GUCY2C: variants seen among roughly 807,000 people sequenced by gnomAD.
GUCY2C encodes guanylate cyclase 2C.
GUCY2C carries 118 observed loss-of-function variants against 131.1 expected under a neutral mutation model. That is an observed-to-expected ratio of 0.90 (90% CI 0.78 to 1.05). The LOEUF is 1.05. GUCY2C is among the 50% of genes least tolerant of loss of function. The pLI, the probability that GUCY2C is intolerant of heterozygous loss-of-function variation, is 0.00. For missense variants in GUCY2C, 1,161 were observed against 1,304.4 expected, an observed-to-expected ratio of 0.89 and a Z score of 1.69; for synonymous variants, 452 against 457.8, an observed-to-expected ratio of 0.99 and a Z score of 0.16.
chr12:14,670,522 T>G (rs1286883100), intron 9 of GUCY2C, among the ~76,000 whole-genome samples: 1 of 152,126 alleles, frequency 6.6e-6, no homozygotes, highest in Non-Finnish European at 1.5e-5. Flanking sequence ...ATGACTGATA[T>G]GGTTTGGCTG....
At chr12:14,626,105 C>T (rs559116583) in intron 20 of GUCY2C, among the ~76,000 whole-genome samples, 190 bp from the exon 21 acceptor site, 7 of 152,252 alleles carry the variant, frequency 4.6e-5, no homozygotes, top group South Asian at 4.1e-4. Flanking sequence ...TTTGGGAGTC[C>T]GAGGCGGGAG....
chr12:14,669,854 GA>G, intron 9 of GUCY2C, 21 bp from the exon 10 acceptor site: 3 of 965,238 alleles, frequency 3.1e-6, no homozygotes, highest in African/African-American at 1.7e-5. Flanking sequence ...GCACAAAAAA[GA>G]AAAAGGATGA....
At chr12:14,657,032 G>A (rs113342039) in intron 11 of GUCY2C, among the ~76,000 whole-genome samples, 3,865 of 152,294 alleles carry the variant, frequency 0.025, 99 homozygotes, top group African/African-American at 0.066. Context: ...TGACTGATCC[G>A]ACAGCAGGGG....
At chr12:14,678,086 G>T (rs1948276669) in intron 6 of GUCY2C, among the ~76,000 whole-genome samples, 1 of 152,142 alleles carries the variant, frequency 6.6e-6, no homozygotes, top group Non-Finnish European at 1.5e-5. Flanking sequence ...AAGCAGCTGG[G>T]ACAACAGGCA....
In GUCY2C at chr12:14,643,703, T is replaced by C. The variant is rs2137024314; in HGVS notation, c.1801A>G (p.Met601Val). ...ISVLYDIAKG[M>V]SYLHSSKTEV... ...GTCTTACTGGAGTGCAGATATGACA[T>C]TCCCTGTAATTTTTTAGATGATAGA... Residue 601 changes from methionine to valine, a missense_variant, in exon 17 of 27, where the codon ATG becomes GTG. Transcript: ENST00000261170. 2 of 1,610,102 alleles carry C rather than the reference T, an allele frequency of 1.2e-6. No homozygotes were observed. Among genetic ancestry groups the C allele is most frequent in the African/African-American group, 1.3e-5 (1 of 74,858 alleles).
At chr12:14,669,154 T>C (rs1362729069) in intron 10 of GUCY2C, among the ~76,000 whole-genome samples, 1 of 152,150 alleles carries the variant, frequency 6.6e-6, no homozygotes, top group Non-Finnish European at 1.5e-5. Context: ...ATTTTAAAGA[T>C]AGGTATAGCT....
At chr12:14,662,671 G>A (rs1186581192) in intron 10 of GUCY2C, among the ~76,000 whole-genome samples, 4 of 116,996 alleles carry the variant, frequency 3.4e-5, no homozygotes, top group African/African-American at 7.3e-5. Flanking sequence ...ATGAGACTCC[G>A]TCTCAAAAAA....
At chr12:14,638,443 T>G (rs1278111204) in intron 19 of GUCY2C, among the ~76,000 whole-genome samples, 1 of 152,138 alleles carries the variant, frequency 6.6e-6, no homozygotes, top group African/African-American at 2.4e-5. Context: ...CTATTCACAA[T>G]AGCAAAGATA....
intron 21 of GUCY2C, 135 bp downstream of exon 21, chr12:14,625,622 C>A: frequency 1.2e-6 from 1 of 860,432 alleles, no homozygotes; most frequent in East Asian, 2.5e-5. Flanking sequence ...CGTGAGCCTC[C>A]GTGCCTGGCA....
rs1948656402 is a variant in GUCY2C, at chr12:14,696,402, T to C, written c.47A>G (p.Gln16Arg). Residue 16 changes from glutamine to arginine, a missense_variant, in exon 1 of 27, where the codon CAG (glutamine) becomes CGG (arginine). Transcript: ENST00000261170. Reference sequence around the variant, plus strand: ...GGAACTAAAGGACAGCCACCCGGGCTGGAAGAGCAGTGACCACAAAGCCAA... The same window carrying C: ...GGAACTAAAGGACAGCCACCCGGGCCGGAAGAGCAGTGACCACAAAGCCAA... ...LDLALWSLLF[Q>R]PGWLSFSSQV... 1 of 1,614,002 alleles carries C rather than the reference T, an allele frequency of 6.2e-7. No individual in the cohort carries two copies. Among genetic ancestry groups the C allele is most frequent in the African/African-American group, 1.3e-5 (1 of 74,920 alleles).
intron 19 of GUCY2C, among the ~76,000 whole-genome samples, chr12:14,631,754 G>C (rs998044337): frequency 1.4e-5 from 2 of 147,886 alleles, no homozygotes; most frequent in African/African-American, 5.0e-5. Context: ...CCAGTAATGG[G>C]ATGGCTGGGT....
intron 13 of GUCY2C, 139 bp from the exon 14 acceptor site, chr12:14,652,169 A>ATTTATTTG: frequency 1.3e-5 from 3 of 228,202 alleles, no homozygotes; most frequent in East Asian, 9.4e-5. Flanking sequence ...TTTTATATTT[A>ATTTATTTG]TTTATTTATT....
intron 19 of GUCY2C, among the ~76,000 whole-genome samples, chr12:14,633,858 CAAAAA>C: frequency 6.6e-6 from 1 of 151,442 alleles, no homozygotes. Context: ...TCCAATAAGA[CAAAAA>C]TAAAGAAAAA....
Position 14,645,247 on chromosome 12 carries a change from G to T in GUCY2C, c.1779C>A (p.Val593=). The change falls in exon 16 of 27, where the codon GTC becomes GTA. Residue 593 remains valine, a synonymous_variant. Transcript: ENST00000261170. ...CTCTTACCTTAGCAATGTCATACAA[G>T]ACAGAGATCTTAAACTCCCAATCCA... ...TFMDWEFKIS[V]LYDIAKGMSY... 2 of 1,574,018 alleles carry T rather than the reference G, an allele frequency of 1.3e-6. No individual in the cohort carries two copies. The highest frequency in any genetic ancestry group is 1.1e-5 in the South Asian group (1 of 90,064).
chr12:14,653,080 G>T, intron 12 of GUCY2C, 66 bp from the exon 13 acceptor site: 1 of 1,140,112 alleles, frequency 8.8e-7, no homozygotes, highest in Non-Finnish European at 1.3e-6. Context: ...GCCTGTCAAA[G>T]GCTGAGAGGC....
At chr12:14,619,419 G>A in intron 23 of GUCY2C, 110 bp from the exon 24 acceptor site, 3 of 673,426 alleles carry the variant, frequency 4.5e-6, no homozygotes, top group Admixed American at 2.3e-5. Flanking sequence ...TCCTGTCATG[G>A]AGAAGTAGCT....
Position 14,656,601 on chromosome 12 carries a change from A to G in GUCY2C, c.1381T>C (p.Tyr461His). Residue 461 changes from tyrosine (Y) to histidine (H), a missense_variant, in exon 12 of 27, where the codon TAT becomes CAT. Coordinates refer to ENST00000261170, the MANE Select transcript of GUCY2C (RefSeq NM_004963.4). ...LLMLRKYRKD[Y>H]ELRQKKWSHI... ...GACCATTTTTTCTGACGAAGTTCAT[A>G]ATCTTTTCTATATTTTCTGTGAAAG... The G allele has an allele frequency of 2.6e-6, 4 of 1,551,660 alleles. No homozygotes were observed. Among genetic ancestry groups the G allele is most frequent in the Non-Finnish European group, 3.6e-6 (4 of 1,123,262 alleles).
rs774522580 is a variant in GUCY2C, at chr12:14,651,989, G to T, written c.1575C>A (p.Phe525Leu). 3.6e-5 allele frequency: 57 copies of T among 1,600,410 alleles called. No homozygotes were observed. Among genetic ancestry groups the T allele is most frequent in the Non-Finnish European group, 4.9e-5 (57 of 1,168,294 alleles). ...TCAATTCTATCTTCTGTTTTTCAGT[G>T]AAATTACCATCATTGTGCTTGAGAT... ...LKDLKHNDGN[F>L]TEKQKIELNK... Residue 525 changes from phenylalanine to leucine, a missense_variant, in exon 14 of 27, where the codon TTC becomes TTA. Phe to Leu is a conservative substitution (Grantham distance 22). Coordinates refer to ENST00000261170, the MANE Select transcript of GUCY2C (RefSeq NM_004963.4).
rs374116809 is a variant in GUCY2C at position 14,693,321 on chromosome 12, G to A, written c.217+2911C>T. ...AGTGGGACCAGCTCAGCACAAGGGAGCACACACAGGGTATGGGTCATGTGA... is the reference window on the plus strand; with the variant it reads ...AGTGGGACCAGCTCAGCACAAGGGAACACACACAGGGTATGGGTCATGTGA... On this transcript the variant is annotated intron_variant, in intron 1 of 26. Coordinates refer to ENST00000261170, the MANE Select transcript of GUCY2C (RefSeq NM_004963.4). Among the ~76,000 whole-genome samples the A allele has an allele frequency of 2.6e-5, 4 of 152,282 alleles. No homozygotes were observed. In the South Asian group the frequency reaches 6.2e-4, roughly 24 times the overall value.
Sources: gnomAD v4.1 joint callset for allele counts (sites outside exome capture counted in the v4.1 genomes callset) on GRCh38, gnomAD v4.1.1 for gene constraint, MANE v1.5 for transcripts, NCBI Gene and HGNC (gene_info 2026-07-23, HGNC 2026-07-21) for gene names.